AKT3: variants seen among roughly 807,000 people sequenced by gnomAD.
AKT3 encodes the protein RAC-gamma serine/threonine-protein kinase.
Under a neutral mutation model 65.3 loss-of-function variants are expected in AKT3, and 15 were observed. That is an observed-to-expected ratio of 0.23 (90% CI 0.15 to 0.35). The LOEUF (loss-of-function observed/expected upper bound fraction) is 0.35, where lower values mean the gene tolerates loss of function less well. Ranked by LOEUF, AKT3 falls within the 10% of genes least tolerant of loss-of-function variation. AKT3 has a pLI of 1.00. For synonymous variants in AKT3, 206 were observed against 183.8 expected (o/e 1.12, Z -0.98); for missense variants, 243 against 576.5 (o/e 0.42, Z 5.92).
At chr1:243,668,463 TAA>T (rs1330907996) in intron 3 of AKT3, among the ~76,000 whole-genome samples, 1 of 152,046 alleles carries the variant, frequency 6.6e-6, no homozygotes, top group Non-Finnish European at 1.5e-5. Context: ...AATTAGGATA[TAA>T]AGTCATCGGG....
At chr1:243,561,531 C>T (rs1280863799) in intron 10 of AKT3, among the ~76,000 whole-genome samples, 3 of 152,088 alleles carry the variant, frequency 2.0e-5, no homozygotes, top group Non-Finnish European at 4.4e-5. Flanking sequence ...CTTATGATCC[C>T]TCACCTTTAA....
intron 2 of AKT3, among the ~76,000 whole-genome samples, chr1:243,761,050 C>T (rs1303299711): frequency 6.6e-6 from 1 of 152,090 alleles, no homozygotes; most frequent in African/African-American, 2.4e-5. Flanking sequence ...ATCTGTGGCC[C>T]CTTTATGTAA....
chr1:243,539,320 C>T (rs1422200304), intron 12 of AKT3, among the ~76,000 whole-genome samples: 1 of 151,980 alleles, frequency 6.6e-6, no homozygotes, highest in African/African-American at 2.4e-5. Flanking sequence ...TTTCCTCTTC[C>T]TTATGATTTT....
chr1:243,717,400 C>G (rs1686580178), intron 2 of AKT3, among the ~76,000 whole-genome samples: 1 of 152,116 alleles, frequency 6.6e-6, no homozygotes, highest in South Asian at 2.1e-4. Context: ...ACCTGATAAA[C>G]AGGCTGGGTT....
chr1:243,624,852 T>C (rs1031566784), intron 6 of AKT3: 1 of 208,476 alleles, frequency 4.8e-6, no homozygotes, highest in African/African-American at 2.3e-5. Flanking sequence ...CATCAAACTC[T>C]TCTCCCAGAT....
At chr1:243,572,706 C>G (rs1010712584) in intron 9 of AKT3, among the ~76,000 whole-genome samples, 1 of 152,106 alleles carries the variant, frequency 6.6e-6, no homozygotes, top group African/African-American at 2.4e-5. Flanking sequence ...AGCAGTCGGG[C>G]AGAAATTGCT....
intron 2 of AKT3, among the ~76,000 whole-genome samples, chr1:243,775,549 G>C (rs1690494900): frequency 1.3e-5 from 2 of 152,132 alleles, no homozygotes; most frequent in Admixed American, 1.3e-4. Context: ...CTCCCCACCT[G>C]TGGGATCCAC....
chr1:243,797,363 A>C (rs1280776085), intron 2 of AKT3, among the ~76,000 whole-genome samples: 1 of 152,168 alleles, frequency 6.6e-6, no homozygotes, highest in Non-Finnish European at 1.5e-5. Context: ...CGCCAGTTAC[A>C]GAGTAGGCAC....
intron 2 of AKT3, among the ~76,000 whole-genome samples, chr1:243,751,548 AAGAG>A (rs1395610731): frequency 6.6e-6 from 1 of 152,072 alleles, no homozygotes; most frequent in Non-Finnish European, 1.5e-5. Context: ...TAGTCTAGTG[AAGAG>A]AGAGTCAGAC....
chr1:243,723,105 T>C (rs1687012346), intron 2 of AKT3, among the ~76,000 whole-genome samples: 1 of 152,220 alleles, frequency 6.6e-6, no homozygotes. Context: ...ATCTGAGGGA[T>C]TATTACAAAG....
At chr1:243,567,936 T>C (rs985632237) in intron 9 of AKT3, among the ~76,000 whole-genome samples, 2 of 152,310 alleles carry the variant, frequency 1.3e-5, no homozygotes, top group South Asian at 2.1e-4. Context: ...CAGAAACACC[T>C]GTAAGTCTTT....
chr1:243,648,871 G>T, intron 4 of AKT3, among the ~76,000 whole-genome samples: 1 of 151,356 alleles, frequency 6.6e-6, no homozygotes, highest in African/African-American at 2.4e-5. Context: ...GAGTACTTTT[G>T]GTTTTATTAA....
In AKT3 at chr1:243,692,253, A is replaced by G. The variant is rs140242507; in HGVS notation, c.172+3338T>C. 1.9e-3 allele frequency among the ~76,000 whole-genome samples: 285 copies of G among 152,310 alleles called. 2 individuals carry two copies. Among genetic ancestry groups the G allele is most frequent in the African/African-American group, 6.7e-3 (279 of 41,570 alleles). Reference sequence around the variant, plus strand: ...TTTTGACCTTCCCCTGAAATAGGTCATAAGATCCCCATATGAGAGATGCCC... The same window carrying G: ...TTTTGACCTTCCCCTGAAATAGGTCGTAAGATCCCCATATGAGAGATGCCC... On this transcript the variant is annotated intron_variant, in intron 3 of 13. Coordinates refer to ENST00000673466, the MANE Select transcript of AKT3 (RefSeq NM_005465.7).
chr1:243,829,036 T>C (rs771526354), intron 2 of AKT3, among the ~76,000 whole-genome samples: 1 of 152,162 alleles, frequency 6.6e-6, no homozygotes, highest in African/African-American at 2.4e-5. Context: ...CAGAATAAAG[T>C]GTAAAAGTCT....
intron 2 of AKT3, among the ~76,000 whole-genome samples, chr1:243,723,946 G>A (rs986108250): frequency 6.6e-6 from 1 of 152,088 alleles, no homozygotes; most frequent in African/African-American, 2.4e-5. Flanking sequence ...CATTGGCTTC[G>A]TTTTAGATGC....
At chr1:243,651,868 G>A (rs760651750) in intron 4 of AKT3, among the ~76,000 whole-genome samples, 27 of 151,972 alleles carry the variant, frequency 1.8e-4, no homozygotes, top group Middle Eastern at 3.4e-3. Flanking sequence ...TTTTTGTTGC[G>A]TCTCTGCCAG....
At chr1:243,665,106 C>G (rs1329075599) in intron 3 of AKT3, among the ~76,000 whole-genome samples, 1 of 152,142 alleles carries the variant, frequency 6.6e-6, no homozygotes, top group Non-Finnish European at 1.5e-5. Flanking sequence ...ATAATTTTCC[C>G]CAAACACACA....
intron 2 of AKT3, among the ~76,000 whole-genome samples, chr1:243,809,854 A>G (rs1693011972): frequency 6.6e-6 from 1 of 152,244 alleles, no homozygotes; most frequent in Non-Finnish European, 1.5e-5. Context: ...CAGTGCAACC[A>G]AACTAGAACT....
At chr1:243,753,985 C>T (rs574615606) in intron 2 of AKT3, among the ~76,000 whole-genome samples, 2 of 152,276 alleles carry the variant, frequency 1.3e-5, no homozygotes, top group East Asian at 3.9e-4. Flanking sequence ...GTTTCATATA[C>T]TGGTCTTATT....
Sources: allele counts gnomAD v4.1 joint callset (sites outside exome capture counted in the v4.1 genomes callset), GRCh38; gene constraint gnomAD v4.1.1; transcripts MANE v1.5; gene names NCBI Gene and HGNC (gene_info 2026-07-23, HGNC 2026-07-21).